Variants in LIMK1 observed in about 807,000 individuals in gnomAD.
LIMK1 encodes the protein LIM motif-containing protein kinase.
Under a neutral mutation model 77.6 loss-of-function variants are expected in LIMK1, and 21 were observed. That is an observed-to-expected ratio of 0.27 (90% CI 0.19 to 0.39). The LOEUF is 0.39. Ranked by LOEUF, LIMK1 falls within the 10% of genes least tolerant of loss-of-function variation. LIMK1 has a pLI of 1.00. For missense variants in LIMK1, 696 were observed against 901.6 expected (o/e 0.77, Z 2.92); for synonymous variants, 358 against 370.0 (o/e 0.97, Z 0.37).
chr7:74,103,249 CTTTTTTT>C (rs1233300842), intron 5 of LIMK1, among the ~76,000 whole-genome samples: 10 of 135,382 alleles, frequency 7.4e-5, no homozygotes, highest in South Asian at 7.1e-4. Context: ...AATGTTTTTC[CTTTTTTT>C]TTTTTTTTTT....
intron 2 of LIMK1, among the ~76,000 whole-genome samples, chr7:74,087,958 C>T (rs189141008): frequency 2.0e-4 from 31 of 151,980 alleles, no homozygotes; most frequent in African/African-American, 6.8e-4. Context: ...CCCAGGCTGG[C>T]GTGCAGTGGT....
intron 5 of LIMK1, among the ~76,000 whole-genome samples, chr7:74,105,539 G>A (rs937883014): frequency 6.7e-6 from 1 of 150,214 alleles, no homozygotes; most frequent in Admixed American, 6.7e-5. Flanking sequence ...AAAAATTCGA[G>A]ACCAAACATA....
chr7:74,090,953 G>A (rs1441342296), intron 2 of LIMK1, among the ~76,000 whole-genome samples: 4 of 151,862 alleles, frequency 2.6e-5, no homozygotes, highest in Admixed American at 2.6e-4. Context: ...TCGCTCTGTC[G>A]CCCAGGCTGG....
intron 9 of LIMK1, among the ~76,000 whole-genome samples, chr7:74,108,571 T>C (rs1584123895): frequency 6.8e-6 from 1 of 147,438 alleles, no homozygotes; most frequent in Non-Finnish European, 1.5e-5. Flanking sequence ...TTTCTTGAAC[T>C]CAGGAGGCGG....
chr7:74,097,219 G>T, intron 4 of LIMK1, 30 bp downstream of exon 4: 2 of 1,448,096 alleles, frequency 1.4e-6, no homozygotes, highest in East Asian at 2.4e-5. Context: ...CCTGAGCCTA[G>T]GAGGCCCACC....
chr7:74,109,376 T>C, intron 10 of LIMK1: 1 of 282,502 alleles, frequency 3.5e-6, no homozygotes, highest in Non-Finnish European at 7.0e-6. Flanking sequence ...TAAAATAAAA[T>C]TCAGAGCTTT....
Position 74,112,005 on chromosome 7 carries a change from A to G in LIMK1, c.1410+7A>G. The G allele has an allele frequency of 2.5e-6, 4 of 1,598,292 alleles. No homozygotes were observed. Among genetic ancestry groups the G allele is most frequent in the Non-Finnish European group, 2.6e-6 (3 of 1,171,242 alleles). ...CAACTGCCTGGTCCGCGAGGTGAGTACCAGGGCCCCACGTGGCTGGGTGTC... is the reference window on the plus strand; with the variant it reads ...CAACTGCCTGGTCCGCGAGGTGAGTGCCAGGGCCCCACGTGGCTGGGTGTC... On this transcript the variant is annotated splice_region_variant and intron_variant, in intron 12 of 15. Coordinates refer to ENST00000336180, the MANE Select transcript of LIMK1 (RefSeq NM_002314.4).
rs1300725000 is a variant in LIMK1, at chr7:74,120,819, A to G, written c.1624-73A>G. The G allele has an allele frequency of 1.9e-6, 3 of 1,600,598 alleles. No homozygotes were observed. In the African/African-American group the frequency reaches 4.0e-5, roughly 21 times the overall value. On this transcript the variant is annotated intron_variant, in intron 14 of 15. Coordinates refer to ENST00000336180, the MANE Select transcript of LIMK1 (RefSeq NM_002314.4). ...CCAGGCCCAGTGCCACCTGCCCTCA[A>G]ACCACCTGGATGGCACCCAGATGCC... is the stretch of plus-strand genomic sequence containing the variant.
At chr7:74,097,917 T>G (rs1554695949) in intron 4 of LIMK1, among the ~76,000 whole-genome samples, 1 of 152,188 alleles carries the variant, frequency 6.6e-6, no homozygotes, top group African/African-American at 2.4e-5. Flanking sequence ...GCTAACAGAC[T>G]CACAGAACTC....
At chr7:74,089,260 G>C (rs1584105991) in intron 2 of LIMK1, among the ~76,000 whole-genome samples, 1 of 152,074 alleles carries the variant, frequency 6.6e-6, no homozygotes, top group East Asian at 1.9e-4. Flanking sequence ...TATAATCCCA[G>C]CCCTTTGGGA....
intron 2 of LIMK1, among the ~76,000 whole-genome samples, chr7:74,086,703 G>C (rs1386186781): frequency 2.6e-5 from 4 of 151,940 alleles, no homozygotes; most frequent in Non-Finnish European, 5.9e-5. Flanking sequence ...TCTTAGAGAG[G>C]ATGGGAGAGA....
intron 4 of LIMK1, among the ~76,000 whole-genome samples, chr7:74,098,377 G>A (rs1293020858): frequency 1.3e-5 from 2 of 152,144 alleles, no homozygotes; most frequent in East Asian, 1.9e-4. Flanking sequence ...AGAGGACAAC[G>A]TGGCTTGATC....
At chr7:74,115,515 G>C in intron 12 of LIMK1, 1 of 385,386 alleles carries the variant, frequency 2.6e-6, no homozygotes, top group African/African-American at 2.0e-5. Flanking sequence ...GGAGGGAGCA[G>C]TGGGTCCGCC....
rs1445733666 is a variant in LIMK1 at position 74,121,553 on chromosome 7, C to T, written c.*252C>T. The T allele has an allele frequency of 8.3e-6, 4 of 482,018 alleles. No homozygotes were observed. The East Asian group carries it at 1.3e-4, about 16-fold the overall frequency. The allele number at this position is 482,018 out of a possible 1,614,324, so 29.9% of individuals were successfully genotyped here. A position where few individuals can be genotyped will look rare whatever the true frequency, so the allele number is the denominator to read the frequency against. On this transcript the variant is annotated 3_prime_UTR_variant, in exon 16 of 16. Transcript: ENST00000336180. The stretch of plus-strand genomic sequence containing the variant: ...TAACCTCTGTCTTGGCAGGGCTGTC[C>T]CCTCTTGCTTCTCCTTGCATGAGCT...
chr7:74,094,600 G>T (rs1799303495), intron 2 of LIMK1, among the ~76,000 whole-genome samples: 1 of 152,150 alleles, frequency 6.6e-6, no homozygotes, highest in Admixed American at 6.5e-5. Flanking sequence ...CAGGCGTGGG[G>T]GCTTCTGCGA....
At chr7:74,110,440 G>A (rs1003129362) in intron 10 of LIMK1, 2 of 152,238 alleles carry the variant, frequency 1.3e-5, no homozygotes, top group East Asian at 1.9e-4. Flanking sequence ...TGCTGCCACT[G>A]CGCAGGTGAC....
At chr7:74,113,601 G>A (rs1296260011) in intron 12 of LIMK1, among the ~76,000 whole-genome samples, 4 of 151,892 alleles carry the variant, frequency 2.6e-5, no homozygotes, top group Non-Finnish European at 5.9e-5. Flanking sequence ...CTCCAGCCTG[G>A]GTGATAGAGT....
rs1554697917 is a variant in LIMK1, at chr7:74,107,925, G to A, written c.1120G>A (p.Asp374Asn). 7 of 1,576,184 alleles carry A rather than the reference G, an allele frequency of 4.4e-6. No individual in the cohort carries two copies. Among genetic ancestry groups the A allele is most frequent in the Non-Finnish European group, 4.3e-6 (5 of 1,160,574 alleles). Reference sequence around the variant, plus strand: ...GGTGATGAAGGAGCTGATCCGGTTCGACGAGGAGACCCAGAGGACGTTCCT... The same window carrying A: ...GGTGATGAAGGAGCTGATCCGGTTCAACGAGGAGACCCAGAGGACGTTCCT... ...VMVMKELIRF[D>N]EETQRTFLKE... Residue 374 changes from aspartate (D) to asparagine (N), a missense_variant, in exon 9 of 16, where the codon GAC becomes AAC. Around this residue, in one of 3 missense-constraint regions of LIMK1, gnomAD observed 438 missense variants for 602.3 expected, o/e 0.73. Coordinates refer to ENST00000336180, the MANE Select transcript of LIMK1 (RefSeq NM_002314.4).
chr7:74,112,062 C>T, intron 12 of LIMK1, 64 bp downstream of exon 12: 1 of 1,313,232 alleles, frequency 7.6e-7, no homozygotes, highest in Admixed American at 2.0e-5. Flanking sequence ...CAACCCCAGC[C>T]TCAGGGCCTT....
Sources: gnomAD v4.1 joint callset for allele counts (sites outside exome capture counted in the v4.1 genomes callset) on GRCh38, gnomAD v4.1.1 for gene constraint, gnomAD v4.1.1 regional missense constraint, MANE v1.5 for transcripts, NCBI Gene and HGNC (gene_info 2026-07-23, HGNC 2026-07-21) for gene names.